The following RSRP1 variants were observed in gnomAD, a reference collection of about 807,000 sequenced individuals.
RSRP1 encodes arginine and serine rich protein 1.
Under a neutral mutation model 33.0 loss-of-function variants are expected in RSRP1, and 37 were observed. The ratio of observed to expected loss-of-function variants is 1.12; its 90% CI spans 0.86 to 1.48. The LOEUF (loss-of-function observed/expected upper bound fraction) is 1.48, where lower values mean the gene tolerates loss of function less well. Among genes scored for constraint, RSRP1 ranks in the 40% most tolerant of loss-of-function variants. The pLI, the probability that RSRP1 is intolerant of heterozygous loss-of-function variation, is 0.00. For synonymous variants in RSRP1, 167 were observed against 158.7 expected (o/e 1.05, Z -0.40); for missense variants, 402 against 385.3 (o/e 1.04, Z -0.36).
Position 25,273,097 on chromosome 1 carries a change from G to GGGTTTTT in RSRP1, c.-66-26075_-66-26069dup, listed in dbSNP as rs1178452655. On this transcript the variant is annotated intron_variant, in intron 1 of 1. Coordinates refer to the RSRP1 transcript ENST00000561867. ...CTTATGCAAGCAATTTCATGTTGTT[G>GGGTTTTT]GGTTTTTGGTTTTTGTTTCCTTTTT... is the stretch of plus-strand genomic sequence containing the variant. Among the ~76,000 whole-genome samples the GGGTTTTT allele has an allele frequency of 1.5e-5, 2 of 130,846 alleles. 1 individual carries two copies. The highest frequency in any genetic ancestry group is 3.6e-5 in the Non-Finnish European group (2 of 55,396). 85.8% of individuals were successfully genotyped at this position (130,846 alleles called of 152,430 possible). A position where few individuals can be genotyped will look rare whatever the true frequency, so the allele number is the denominator to read the frequency against.
intron 1 of RSRP1, among the ~76,000 whole-genome samples, chr1:25,311,304 A>C (rs1244903808): frequency 7.6e-6 from 1 of 132,320 alleles, no homozygotes; most frequent in African/African-American, 2.6e-5. Flanking sequence ...AGGGAATGAA[A>C]GAACATTTTC....
In RSRP1 at chr1:25,329,174, C is replaced by A. The variant is rs1343929498; in HGVS notation, c.-67+8804G>T. The A allele has an allele frequency of 6.1e-6, 5 of 820,854 alleles. 2 individuals are homozygous for A. Among genetic ancestry groups the A allele is most frequent in the Non-Finnish European group, 9.7e-6 (5 of 517,352 alleles). The allele number at this position is 820,854 out of a possible 1,614,324, so 50.8% of individuals were successfully genotyped here. Reference sequence around the variant, plus strand: ...TACCACATAACAACATCTTGGTAAACAACAGACTGCATATATGATGGTGGT... The same window carrying A: ...TACCACATAACAACATCTTGGTAAAAAACAGACTGCATATATGATGGTGGT... On this transcript the variant is annotated intron_variant, in intron 1 of 1. Transcript: ENST00000561867.
chr1:25,269,724 T>C (rs368003012), intron 1 of RSRP1, among the ~76,000 whole-genome samples: 7 of 133,176 alleles, frequency 5.3e-5, no homozygotes, highest in African/African-American at 1.8e-4. Context: ...GCAAAACCTC[T>C]GCTTTTGACA....
At chr1:25,244,228 G>C in intron 3 of RSRP1, 2 of 1,289,102 alleles carry the variant, frequency 1.6e-6, no homozygotes, top group Non-Finnish European at 2.0e-6. Context: ...AAAACATCTG[G>C]AATATATTGC....
chr1:25,246,834 G>A lies in RSRP1; in HGVS notation c.130C>T (p.Arg44Trp). The A allele has an allele frequency of 6.2e-7, 1 of 1,613,228 alleles. No homozygotes were observed. Among genetic ancestry groups the A allele is most frequent in the South Asian group, 1.1e-5 (1 of 91,086 alleles). Residue 44 changes from arginine to tryptophan, a missense_variant, in exon 2 of 5, where the codon CGG becomes TGG. By Grantham distance (101) the Arg-to-Trp change is moderately radical. Transcript: ENST00000243189. Reference protein sequence around the residue: ...SRSRSFSRSSRSHSRVSSRFS... With the variant: ...SRSRSFSRSSWSHSRVSSRFS... ...CGGCTCGAGACGCGGGAATGGGACC[G>A]AGAGCTTCTGGAAAAAGAGCGGCTC...
intron 3 of RSRP1, 92 bp downstream of exon 3, chr1:25,245,058 T>G: frequency 6.2e-7 from 1 of 1,609,942 alleles, no homozygotes; most frequent in Non-Finnish European, 8.5e-7. Context: ...TCTCTAGACT[T>G]CCCAAAAAGT....
At chr1:25,319,641 AG>A (rs1423052025) in intron 1 of RSRP1, among the ~76,000 whole-genome samples, 1 of 132,260 alleles carries the variant, frequency 7.6e-6, no homozygotes, top group Non-Finnish European at 1.8e-5. Context: ...GGACAATGGA[AG>A]GGGGAAAAAG....
chr1:25,246,955 G>GT lies in RSRP1; in HGVS notation c.8dup (p.Asn3LysfsTer33), dbSNP rs775511950. 1.5e-5 allele frequency: 24 copies of GT among 1,575,898 alleles called. No homozygotes were observed. Among genetic ancestry groups the GT allele is most frequent in the Non-Finnish European group, 1.8e-5 (21 of 1,157,292 alleles). ...AGCCCGGCCACATGTCGTTCACGTA[G>GT]TTGGACATCTTCACCTGCGGCTTTA... On this transcript the variant is annotated frameshift_variant, in exon 2 of 5. Coordinates refer to ENST00000243189, the MANE Select transcript of RSRP1 (RefSeq NM_020317.5). LOFTEE classifies it high-confidence loss of function.
chr1:25,293,066 G>T lies in RSRP1; in HGVS notation c.-67+44912C>A, dbSNP rs1232624881. Among the ~76,000 whole-genome samples, 4 of 131,128 alleles carry T rather than the reference G, an allele frequency of 3.1e-5. 2 individuals are homozygous for T. The highest frequency in any genetic ancestry group is 7.2e-5 in the Non-Finnish European group (4 of 55,794). 86.0% of individuals were successfully genotyped at this position (131,128 alleles called of 152,430 possible). ...CATTGGATTTGGCCAGGAGACCTTG[G>T]CATGCATGGTTGTAGAGGAGGATGA... On this transcript the variant is annotated intron_variant, in intron 1 of 1. Coordinates refer to the RSRP1 transcript ENST00000561867.
At position 25,321,383 on chromosome 1, in the gene RSRP1, A is replaced by G. The variant is rs879861732; in HGVS notation, c.-67+16595T>C. Among the ~76,000 whole-genome samples the G allele has an allele frequency of 7.5e-4, 91 of 122,070 alleles. 18 individuals are homozygous for G. Among genetic ancestry groups the G allele is most frequent in the Non-Finnish European group, 1.1e-3 (59 of 52,208 alleles). The allele number at this position is 122,070 out of a possible 152,430, so 80.1% of individuals were successfully genotyped here. ...AAAAAAAATGTCTACAGAATCGGCCAGGTGTGGTGGCTCATGCCTGTAATA... is the reference window on the plus strand; with the variant it reads ...AAAAAAAATGTCTACAGAATCGGCCGGGTGTGGTGGCTCATGCCTGTAATA... On this transcript the variant is annotated intron_variant, in intron 1 of 1. Transcript: ENST00000561867.
At chr1:25,307,819 G>A (rs1193401523) in intron 1 of RSRP1, 2 of 1,302,964 alleles carry the variant, frequency 1.5e-6, no homozygotes, top group South Asian at 1.3e-5. Context: ...ATCAGTGGGT[G>A]AGACATCCTT....
chr1:25,270,309 T>TG lies in RSRP1; in HGVS notation c.-66-23281dup, dbSNP rs1351319417. On this transcript the variant is annotated intron_variant, in intron 1 of 1. Coordinates refer to the RSRP1 transcript ENST00000561867. ...AAGAAGACTTAGAAGTAATCTAGGC[T>TG]GGGGGTCCCCAACCCCCAGGCTGTG... Among the ~76,000 whole-genome samples the TG allele has an allele frequency of 1.5e-5, 2 of 129,482 alleles. 1 individual carries two copies. Among genetic ancestry groups the TG allele is most frequent in the Non-Finnish European group, 3.6e-5 (2 of 54,974 alleles). The allele number at this position is 129,482 out of a possible 152,430, so 84.9% of individuals were successfully genotyped here. A position where few individuals can be genotyped will look rare whatever the true frequency, so the allele number is the denominator to read the frequency against.
chr1:25,254,198 T>C (rs892756064), intron 1 of RSRP1, among the ~76,000 whole-genome samples: 13 of 152,172 alleles, frequency 8.5e-5, no homozygotes, highest in Non-Finnish European at 1.8e-4. Flanking sequence ...TACTGAGCCT[T>C]GGTGTAAGTC....
chr1:25,300,913 G>C lies in RSRP1; in HGVS notation c.-67+37065C>G, dbSNP rs193122509. ...GGGCTTGCCCCGGGCAGAGGATGCC[G>C]ACACTCACTGCTCTTACTGGGTTTT... is the stretch of plus-strand genomic sequence containing the variant. On this transcript the variant is annotated intron_variant, in intron 1 of 1. Transcript: ENST00000561867. 91 of 1,370,446 alleles carry C rather than the reference G, an allele frequency of 6.6e-5. 23 individuals carry two copies. The highest frequency in any genetic ancestry group is 2.1e-4 in the Admixed American group (12 of 55,898). 84.9% of individuals were successfully genotyped at this position (1,370,446 alleles called of 1,614,324 possible).
rs1641514717 is a variant in RSRP1 at position 25,281,877 on chromosome 1, C to G, written c.-66-34848G>C. ...CCTCCCTTGTCCTCTCTGGCAGACC[C>G]TGGGTATGTGTATGTTTCAATGGAA... On this transcript the variant is annotated intron_variant, in intron 1 of 1. Transcript: ENST00000561867. 1.5e-5 allele frequency among the ~76,000 whole-genome samples: 2 copies of G among 132,526 alleles called. 1 individual carries two copies. The allele number at this position is 132,526 out of a possible 152,430, so 86.9% of individuals were successfully genotyped here. A position where few individuals can be genotyped will look rare whatever the true frequency, so the allele number is the denominator to read the frequency against.
chr1:25,261,663 C>CA (rs1399875598), intron 1 of RSRP1, among the ~76,000 whole-genome samples: 2 of 151,236 alleles, frequency 1.3e-5, no homozygotes, highest in African/African-American at 4.9e-5. Flanking sequence ...CTCAGCCTCC[C>CA]AAAGTGCTGG....
intron 1 of RSRP1, among the ~76,000 whole-genome samples, chr1:25,258,710 C>G (rs1315437093): frequency 6.6e-6 from 1 of 152,084 alleles, no homozygotes; most frequent in Middle Eastern, 3.2e-3. Context: ...TTTTAATATT[C>G]AGTCATTATA....
Position 25,288,920 on chromosome 1 carries a change from C to T in RSRP1, c.-66-41891G>A, listed in dbSNP as rs1459393072. On this transcript the variant is annotated intron_variant, in intron 1 of 1. Coordinates refer to the RSRP1 transcript ENST00000561867. The stretch of plus-strand genomic sequence containing the variant: ...ATTGAGTAACCCCTTATTCTAAATT[C>T]CTGGTCCCTGTAAGACTCCTTCCCC... Among the ~76,000 whole-genome samples, 14 of 132,662 alleles carry T rather than the reference C, an allele frequency of 1.1e-4. 1 individual carries two copies. Among genetic ancestry groups the T allele is most frequent in the African/African-American group, 1.8e-4 (7 of 38,432 alleles). The allele number at this position is 132,662 out of a possible 152,430, so 87.0% of individuals were successfully genotyped here.
intron 1 of RSRP1, among the ~76,000 whole-genome samples, chr1:25,316,635 AAGAG>A (rs1262488729): frequency 4.2e-5 from 5 of 119,420 alleles, no homozygotes; most frequent in Admixed American, 8.2e-5. Context: ...AAAAAAAAAA[AAGAG>A]AGAGAGAGAA....
Sources: gnomAD v4.1 joint callset for allele counts (sites outside exome capture counted in the v4.1 genomes callset) on GRCh38, gnomAD v4.1.1 for gene constraint, MANE v1.5 for transcripts, NCBI Gene and HGNC (gene_info 2026-07-23, HGNC 2026-07-21) for gene names.